PACRG: variants seen among roughly 807,000 people sequenced by gnomAD.
The protein encoded by PACRG is parkin coregulated.
PACRG carries 29 observed loss-of-function variants against 29.7 expected under a neutral mutation model. The ratio of observed to expected loss-of-function variants is 0.98; its 90% CI spans 0.73 to 1.33. The LOEUF (loss-of-function observed/expected upper bound fraction) is 1.33. Ranked by LOEUF, PACRG falls within the 40% of genes most tolerant of loss-of-function variation. PACRG has a pLI of 0.00. For synonymous variants in PACRG, 116 were observed against 118.7 expected (o/e 0.98, Z 0.15); for missense variants, 279 against 316.2 (o/e 0.88, Z 0.89).
intron 1 of PACRG, among the ~76,000 whole-genome samples, chr6:162,801,355 C>T (rs1316928583): frequency 1.8e-4 from 27 of 152,032 alleles, no homozygotes; most frequent in Admixed American, 1.5e-3. Flanking sequence ...GTGATCCGCC[C>T]CCCTTGGCCT....
Position 162,899,509 on chromosome 6 carries a change from A to G in PACRG, c.291+85228A>G, listed in dbSNP as rs550622258. 1.4e-4 allele frequency among the ~76,000 whole-genome samples: 22 copies of G among 152,202 alleles called. 1 individual carries two copies. The South Asian group carries it at 4.6e-3, about 32-fold the overall frequency. Reference sequence around the variant, plus strand: ...GTGAGTTTGTGTTTTATTCACCCCCACTGAGGACTGTGTGCAGGTAGGCAT... The same window carrying G: ...GTGAGTTTGTGTTTTATTCACCCCCGCTGAGGACTGTGTGCAGGTAGGCAT... On this transcript the variant is annotated intron_variant, in intron 2 of 4. Coordinates refer to ENST00000366888, the MANE Select transcript of PACRG (RefSeq NM_001080379.2).
chr6:162,756,144 T>C (rs1214377387), intron 1 of PACRG, among the ~76,000 whole-genome samples: 1 of 152,234 alleles, frequency 6.6e-6, no homozygotes, highest in African/African-American at 2.4e-5. Context: ...ATGTTCTGTT[T>C]ATGTCTGTTA....
At chr6:163,116,898 G>A (rs1243063552) in intron 4 of PACRG, among the ~76,000 whole-genome samples, 1 of 152,136 alleles carries the variant, frequency 6.6e-6, no homozygotes, top group East Asian at 1.9e-4. Flanking sequence ...ATTGAGTCCT[G>A]GACGTGGTGA....
intron 1 of PACRG, among the ~76,000 whole-genome samples, chr6:162,787,580 G>GTCTCTATA: frequency 1.4e-5 from 1 of 69,172 alleles, no homozygotes; most frequent in Admixed American, 1.6e-4. Context: ...GTGTGTGTGT[G>GTCTCTATA]TGTATATATA....
chr6:162,985,336 A>C (rs938600149), intron 2 of PACRG, among the ~76,000 whole-genome samples: 2 of 152,132 alleles, frequency 1.3e-5, no homozygotes, highest in Non-Finnish European at 2.9e-5. Context: ...ATCCAACAGC[A>C]TATGAAAAAG....
At chr6:163,093,144 G>A (rs1363927730) in intron 4 of PACRG, among the ~76,000 whole-genome samples, 1 of 152,198 alleles carries the variant, frequency 6.6e-6, no homozygotes, top group Non-Finnish European at 1.5e-5. Flanking sequence ...ATATGTGACT[G>A]GAGTTTAGGG....
intron 4 of PACRG, among the ~76,000 whole-genome samples, chr6:163,135,328 A>G (rs981711355): frequency 2.6e-5 from 4 of 152,020 alleles, no homozygotes; most frequent in Non-Finnish European, 5.9e-5. Context: ...AGCTGGGACT[A>G]CAGGCACACG....
intron 1 of PACRG, among the ~76,000 whole-genome samples, chr6:162,733,642 G>A (rs553996259): frequency 6.6e-6 from 1 of 152,256 alleles, no homozygotes; most frequent in African/African-American, 2.4e-5. Flanking sequence ...GGAAGGCCCT[G>A]TGTGATCTGC....
chr6:162,931,413 A>C (rs140687927), intron 2 of PACRG, among the ~76,000 whole-genome samples: 2 of 151,902 alleles, frequency 1.3e-5, no homozygotes, highest in Non-Finnish European at 2.9e-5. Context: ...CAAGGTCACA[A>C]AATTTTTTCC....
intron 2 of PACRG, among the ~76,000 whole-genome samples, chr6:162,979,267 C>T (rs553416768): frequency 6.6e-6 from 1 of 152,232 alleles, no homozygotes; most frequent in African/African-American, 2.4e-5. Flanking sequence ...ACTTGCATTT[C>T]CCTGATTATT....
intron 4 of PACRG, among the ~76,000 whole-genome samples, chr6:163,154,285 A>T (rs1325295154): frequency 6.6e-6 from 1 of 152,172 alleles, no homozygotes; most frequent in African/African-American, 2.4e-5. Flanking sequence ...GCACTGTGTG[A>T]TCCTTCATTG....
intron 3 of PACRG, among the ~76,000 whole-genome samples, chr6:163,080,304 A>G (rs998610425): frequency 6.6e-6 from 1 of 151,986 alleles, no homozygotes; most frequent in South Asian, 2.1e-4. Context: ...TTTCACCCCA[A>G]TCTTTGCAGA....
chr6:163,280,157 C>T (rs149454752), intron 4 of PACRG, among the ~76,000 whole-genome samples: 1 of 152,246 alleles, frequency 6.6e-6, no homozygotes, highest in Non-Finnish European at 1.5e-5. Flanking sequence ...CCTCCCAGAT[C>T]TAGCAGCTCA....
chr6:163,256,289 A>G (rs1179750963), intron 4 of PACRG, among the ~76,000 whole-genome samples: 1 of 152,328 alleles, frequency 6.6e-6, no homozygotes, highest in East Asian at 1.9e-4. Flanking sequence ...TAGTTTAACA[A>G]ACACATGCTG....
chr6:163,262,189 C>T (rs754276244), intron 4 of PACRG, among the ~76,000 whole-genome samples: 4 of 152,192 alleles, frequency 2.6e-5, no homozygotes, highest in African/African-American at 4.8e-5. Flanking sequence ...TTCACACTGT[C>T]GTGTTACTCA....
chr6:163,094,974 C>G (rs1258315658), intron 4 of PACRG, among the ~76,000 whole-genome samples: 1 of 152,176 alleles, frequency 6.6e-6, no homozygotes, highest in Non-Finnish European at 1.5e-5. Flanking sequence ...TCCAAGCATT[C>G]TCTATAAGCA....
intron 2 of PACRG, among the ~76,000 whole-genome samples, chr6:162,821,312 C>T (rs1168913044): frequency 6.6e-6 from 1 of 152,202 alleles, no homozygotes; most frequent in African/African-American, 2.4e-5. Context: ...TGAAAGTCAA[C>T]TGATTTATAA....
chr6:163,100,557 C>T (rs73786962), intron 4 of PACRG, among the ~76,000 whole-genome samples: 6,506 of 152,270 alleles, frequency 0.043, 347 homozygotes, highest in African/African-American at 0.11. Context: ...CCCCGCGACT[C>T]TTTAAGCAGT....
chr6:163,209,328 T>C (rs1781041946), intron 4 of PACRG, among the ~76,000 whole-genome samples: 1 of 152,232 alleles, frequency 6.6e-6, no homozygotes, highest in South Asian at 2.1e-4. Context: ...CGCCTCAGCA[T>C]GAAAGTGGAG....
Sources: gnomAD v4.1 joint callset for allele counts (sites outside exome capture counted in the v4.1 genomes callset) on GRCh38, gnomAD v4.1.1 for gene constraint, MANE v1.5 for transcripts, NCBI Gene and HGNC (gene_info 2026-07-23, HGNC 2026-07-21) for gene names.